The following CAMTA1 variants were observed in gnomAD, a reference collection of about 807,000 sequenced individuals.
The protein encoded by CAMTA1 is calmodulin-binding transcription activator 1.
CAMTA1 carries 27 observed loss-of-function variants against 170.9 expected under a neutral mutation model. The observed-to-expected ratio is 0.16, with a 90% CI of 0.12 to 0.22. The LOEUF is 0.22. Ranked by LOEUF, CAMTA1 falls within the 10% of genes least tolerant of loss-of-function variation. CAMTA1 has a pLI of 1.00. For synonymous variants in CAMTA1, 833 were observed against 891.5 expected, an observed-to-expected ratio of 0.93 and a Z score of 1.17; for missense variants, 1,619 against 2,217.2, an observed-to-expected ratio of 0.73 and a Z score of 5.42.
chr1:7,677,537 T>A (rs1478425584), intron 10 of CAMTA1, 62 bp from the exon 11 acceptor site: 2 of 1,567,430 alleles, frequency 1.3e-6, no homozygotes, highest in East Asian at 4.5e-5. Context: ...AGGCCCTGTG[T>A]GGTTCACCAG....
At chr1:7,323,226 A>G (rs1289494470) in intron 5 of CAMTA1, among the ~76,000 whole-genome samples, 1 of 151,930 alleles carries the variant, frequency 6.6e-6, no homozygotes, top group Non-Finnish European at 1.5e-5. Context: ...AATTCAATAT[A>G]TTTTCCAATT....
rs2096186187 is a variant in CAMTA1, at chr1:7,680,752, A to G, written c.2914+3019A>G. Among the ~76,000 whole-genome samples, 1 of 150,936 alleles carries G rather than the reference A, an allele frequency of 6.6e-6. No homozygotes were observed. The highest frequency in any genetic ancestry group is 1.5e-5 in the Non-Finnish European group (1 of 67,698). ...GGGGGAAAATGTTTGAGGGCGGGGA[A>G]GAGACTGTCTGCCCTCATTTGATCT... On this transcript the variant is annotated intron_variant, in intron 11 of 22. Transcript: ENST00000303635. This position sits in a 1 kb window ranked among gnomAD's most constrained non-coding sequence, Gnocchi z 4.4.
Position 7,600,935 on chromosome 1 carries a change from C to T in CAMTA1, c.511-39465C>T, listed in dbSNP as rs181792666. 3.5e-3 allele frequency among the ~76,000 whole-genome samples: 526 copies of T among 151,784 alleles called. 3 individuals are homozygous for T. The highest frequency in any genetic ancestry group is 0.011 in the African/African-American group (471 of 41,534). On this transcript the variant is annotated intron_variant, in intron 6 of 22. Transcript: ENST00000303635. ...ATTTCTCAGTCTTTTCCCCACCTTT[C>T]CCCCCTTTCTATTCCACAAAACCAC...
At chr1:7,513,081 C>T (rs1165834268) in intron 6 of CAMTA1, among the ~76,000 whole-genome samples, 1 of 151,668 alleles carries the variant, frequency 6.6e-6, no homozygotes, top group Non-Finnish European at 1.5e-5. Context: ...CCCGTGCCCC[C>T]TTCACTGCAG....
Position 7,534,121 on chromosome 1 carries a change from C to T in CAMTA1, c.510+66220C>T, listed in dbSNP as rs771396398. ...CCCTCCCATCACCGGTCACCCCGCC[C>T]GCCAGGCCCCTGGCAGCCTCATATC... is the stretch of plus-strand genomic sequence containing the variant. On this transcript the variant is annotated intron_variant, in intron 6 of 22. Transcript: ENST00000303635. The surrounding 1 kb of genome is among the most constrained non-coding windows in gnomAD (Gnocchi z 5.6). Among the ~76,000 whole-genome samples, 46 of 152,262 alleles carry T rather than the reference C, an allele frequency of 3.0e-4. No individual in the cohort carries two copies. Among genetic ancestry groups the T allele is most frequent in the South Asian group, 1.2e-3 (6 of 4,822 alleles).
chr1:6,815,265 T>C (rs1458017695), intron 1 of CAMTA1, among the ~76,000 whole-genome samples: 1 of 151,822 alleles, frequency 6.6e-6, no homozygotes, highest in Non-Finnish European at 1.5e-5. Context: ...AGTGCAGTAG[T>C]GCTGTCATGG....
chr1:7,587,586 G>A (rs1224956898), intron 6 of CAMTA1, among the ~76,000 whole-genome samples: 1 of 152,088 alleles, frequency 6.6e-6, no homozygotes, highest in East Asian at 1.9e-4. Context: ...CCCATGTCAG[G>A]CCTAATGTTA....
chr1:7,340,800 A>G (rs963645551), intron 5 of CAMTA1, among the ~76,000 whole-genome samples: 2 of 151,924 alleles, frequency 1.3e-5, no homozygotes, highest in Non-Finnish European at 2.9e-5. Context: ...ACATGACTTC[A>G]GAGCCTACTC....
intron 4 of CAMTA1, chr1:7,142,003 C>T (rs1645917165): frequency 4.3e-6 from 2 of 466,584 alleles, no homozygotes; most frequent in Admixed American, 2.1e-5. Flanking sequence ...TGCTTTTTTC[C>T]TGATGTCTTG....
rs1558041396 is a variant in CAMTA1, at chr1:7,640,491, C to A, written c.602C>A (p.Thr201Asn). 6.2e-7 allele frequency: 1 copy of A among 1,614,220 alleles called. No individual in the cohort carries two copies. The highest frequency in any genetic ancestry group is 1.7e-5 in the Admixed American group (1 of 60,030). Residue 201 changes from threonine to asparagine, a missense_variant, in exon 7 of 23, where the codon ACC (threonine) becomes AAC (asparagine). Around this residue, in one of 8 missense-constraint regions of CAMTA1, gnomAD observed 97 missense variants for 225.4 expected, o/e 0.43. Coordinates refer to ENST00000303635, the MANE Select transcript of CAMTA1 (RefSeq NM_015215.4). ...GGCCCCATCCTCTGCTCCATCAACA[C>A]CGACAAGAAGGAGTGGGCGAAATGG... ...PCGPILCSINTDKKEWAKWTK... is the reference protein window; with the variant it reads ...PCGPILCSINNDKKEWAKWTK...
intron 3 of CAMTA1, among the ~76,000 whole-genome samples, chr1:7,028,265 C>T (rs1010624321): frequency 2.6e-5 from 4 of 152,114 alleles, no homozygotes; most frequent in Non-Finnish European, 5.9e-5. Context: ...GAAACTAAGC[C>T]AAGGAGAAAA....
chr1:6,832,827 A>G (rs1650993036), intron 3 of CAMTA1, among the ~76,000 whole-genome samples: 1 of 152,254 alleles, frequency 6.6e-6, no homozygotes, highest in Non-Finnish European at 1.5e-5. Context: ...CCAAGTTTTA[A>G]GAGTGACATT....
At chr1:7,564,777 AGAG>A in intron 6 of CAMTA1, among the ~76,000 whole-genome samples, 1 of 152,188 alleles carries the variant, frequency 6.6e-6, no homozygotes, top group East Asian at 1.9e-4. Flanking sequence ...CACGTGAAGC[AGAG>A]GAGGACAAGC....
intron 1 of CAMTA1, among the ~76,000 whole-genome samples, chr1:6,796,768 G>A (rs956436808): frequency 2.0e-5 from 3 of 152,066 alleles, no homozygotes; most frequent in Admixed American, 6.6e-5. Flanking sequence ...TCAGTACTAC[G>A]TTAGAACAGT....
chr1:7,601,722 C>T (rs945115761), intron 6 of CAMTA1, among the ~76,000 whole-genome samples: 3 of 152,360 alleles, frequency 2.0e-5, no homozygotes, highest in South Asian at 2.1e-4. Flanking sequence ...GCGGATCCCT[C>T]GCGGTTAGGA....
At position 7,748,038 on chromosome 1, in the gene CAMTA1, G is replaced by A. The variant is rs904625985; in HGVS notation, c.4689+257G>A. Among the ~76,000 whole-genome samples, 5 of 151,444 alleles carry A rather than the reference G, an allele frequency of 3.3e-5. No individual in the cohort carries two copies. The highest frequency in any genetic ancestry group is 7.3e-5 in the African/African-American group (3 of 41,206). The stretch of plus-strand genomic sequence containing the variant: ...AGCGATTCTCCTGCCTCAGCCTCCC[G>A]AGTAGCTGGGACTACAGGCGTGTGC... On this transcript the variant is annotated intron_variant, in intron 19 of 22. Transcript: ENST00000303635. The surrounding 1 kb of genome is among the most constrained non-coding windows in gnomAD (Gnocchi z 4.7).
At chr1:7,604,106 G>T (rs972575938) in intron 6 of CAMTA1, among the ~76,000 whole-genome samples, 5 of 152,154 alleles carry the variant, frequency 3.3e-5, no homozygotes, top group African/African-American at 7.2e-5. Context: ...CTCTCTGGCT[G>T]CCCTTAACAT....
chr1:7,730,349 C>T (rs1233756287), intron 11 of CAMTA1, among the ~76,000 whole-genome samples: 1 of 152,212 alleles, frequency 6.6e-6, no homozygotes, highest in East Asian at 1.9e-4. Flanking sequence ...CGGTCTTCTG[C>T]TCCCTGAAAG....
intron 2 of CAMTA1, among the ~76,000 whole-genome samples, chr1:6,824,326 GAAAT>G (rs1245161019): frequency 6.6e-6 from 1 of 152,076 alleles, no homozygotes; most frequent in East Asian, 1.9e-4. Context: ...ACAAATGAGT[GAAAT>G]AAATGTTATA....
Sources: allele counts gnomAD v4.1 joint callset (sites outside exome capture counted in the v4.1 genomes callset), GRCh38; gene constraint gnomAD v4.1.1; regional missense constraint gnomAD v4.1.1; non-coding constraint Gnocchi (gnomAD v3.1); transcripts MANE v1.5; gene names NCBI Gene and HGNC (gene_info 2026-07-23, HGNC 2026-07-21).